Variants in APOB observed in about 807,000 individuals in gnomAD.
APOB encodes the protein apolipoprotein B, also known as apolipoprotein B-100.
APOB carries 153 observed loss-of-function variants against 314.1 expected under a neutral mutation model. That is an observed-to-expected ratio of 0.49 (90% CI 0.43 to 0.56). APOB has a LOEUF of 0.56. APOB is among the 20% of genes least tolerant of loss of function. The pLI, the probability that APOB is intolerant of heterozygous loss-of-function variation, is 0.00. For synonymous variants in APOB, 2,087 were observed against 2,036.4 expected, an observed-to-expected ratio of 1.02 and a Z score of -0.67; for missense variants, 5,430 against 5,350.7, an observed-to-expected ratio of 1.01 and a Z score of -0.46.
In APOB at chr2:21,011,669, T is replaced by A. The variant is rs374402922; in HGVS notation, c.5199A>T (p.Gln1733His). Residue 1733 changes from glutamine (Q) to histidine (H), a missense_variant, in exon 26 of 29, where the codon CAA becomes CAT. Physicochemically the swap from Gln to His is conservative, Grantham distance 24. This residue lies in a region of APOB where 2,085 missense variants were observed against 2,079.7 expected (regional missense o/e 1.00). Coordinates refer to ENST00000233242, the MANE Select transcript of APOB (RefSeq NM_000384.3). The stretch of plus-strand genomic sequence containing the variant: ...TGTCATTTGAGAGCTTAAGTCCTTC[T>A]TGACTGACCTTGAAGTTGAAAATGT... The part of the protein sequence containing the change: ...SKNIFNFKVS[Q>H]EGLKLSNDMM... The A allele has an allele frequency of 3.7e-6, 6 of 1,614,216 alleles. No homozygotes were observed. The African/African-American group carries it at 5.3e-5, about 14-fold the overall frequency.
At chr2:21,003,456 G>T in intron 28 of APOB, 122 bp from the exon 29 acceptor site, 1 of 880,464 alleles carries the variant, frequency 1.1e-6, no homozygotes, top group Non-Finnish European at 1.8e-6. Flanking sequence ...TACTGAAAGG[G>T]ATTTATCTTT....
At chr2:21,015,893 G>A (rs918188265) in intron 21 of APOB, among the ~76,000 whole-genome samples, 3 of 152,158 alleles carry the variant, frequency 2.0e-5, no homozygotes, top group Non-Finnish European at 2.9e-5. Context: ...TGTGAGGACC[G>A]AGATAATTTC....
Position 21,023,689 on chromosome 2 carries a change from CA to C in APOB, c.2439del (p.Ile813MetfsTer50), listed in dbSNP as rs748850160. The C allele has an allele frequency of 6.2e-7, 1 of 1,609,146 alleles. No homozygotes were observed. Among genetic ancestry groups the C allele is most frequent in the Non-Finnish European group, 8.5e-7 (1 of 1,176,244 alleles). ...ARTLQGIPQM[I>X]GEVIRKGSKN... Reference sequence around the variant, plus strand: ...TTTGAGCCCTTCCTGATGACCTCTCCAATCTGTAGACCCAACAAGGGAGAGC... The same window carrying C: ...TTTGAGCCCTTCCTGATGACCTCTCCATCTGTAGACCCAACAAGGGAGAGC... On this transcript the variant is annotated frameshift_variant and splice_region_variant, in exon 17 of 29. Coordinates refer to ENST00000233242, the MANE Select transcript of APOB (RefSeq NM_000384.3). LOFTEE classifies it high-confidence loss of function.
In APOB at chr2:21,040,932, A is replaced by G; in HGVS notation, c.383+6T>C. 6.2e-7 allele frequency: 1 copy of G among 1,613,946 alleles called. No homozygotes were observed. ...CATGCGTGTGCTCATGTACAACATG[A>G]CTTACCTGGACATGGCTGCAGCAAA... On this transcript the variant is annotated splice_donor_region_variant and intron_variant, in intron 4 of 28. Coordinates refer to ENST00000233242, the MANE Select transcript of APOB (RefSeq NM_000384.3).
At chr2:21,022,379 T>C (rs1344554894) in intron 18 of APOB, among the ~76,000 whole-genome samples, 1 of 152,226 alleles carries the variant, frequency 6.6e-6, no homozygotes, top group Non-Finnish European at 1.5e-5. Flanking sequence ...AGAGGCTGTA[T>C]TCCATTATCA....
In APOB at chr2:21,037,812, C is replaced by G. The variant is rs889421181; in HGVS notation, c.537+146G>C. On this transcript the variant is annotated intron_variant, in intron 5 of 28. Coordinates refer to ENST00000233242, the MANE Select transcript of APOB (RefSeq NM_000384.3). ...CCTAAGGGGCAGGAGGAACCTCGGG[C>G]ACCAGTATTTCACGCCAATCCAGGG... 10 of 992,802 alleles carry G rather than the reference C, an allele frequency of 1.0e-5. No individual in the cohort carries two copies. In the Admixed American group the frequency reaches 1.8e-4, roughly 18 times the overall value. 61.5% of individuals were successfully genotyped at this position (992,802 alleles called of 1,614,324 possible).
At chr2:21,021,152 A>G (rs541362198) in intron 18 of APOB, among the ~76,000 whole-genome samples, 1 of 152,248 alleles carries the variant, frequency 6.6e-6, no homozygotes, top group East Asian at 1.9e-4. Flanking sequence ...CACATCCAAA[A>G]CTGAATTTGT....
rs746461811 is a variant in APOB at position 21,019,042 on chromosome 2, C to T, written c.3071G>A (p.Arg1024Lys). ...YSVSATYELQ[R>K]EDRALVDTLK... ...GGTATCCACCAAGGCTCTGTCCTCT[C>T]TCTGGAGCTCATAGGTTGCGCTGAC... Residue 1024 changes from arginine (R) to lysine (K), a missense_variant, in exon 20 of 29, where the codon AGA becomes AAA. Around this residue, in one of 3 missense-constraint regions of APOB, gnomAD observed 2,085 missense variants for 2,079.7 expected, o/e 1.00. Transcript: ENST00000233242. 1 of 1,614,100 alleles carries T rather than the reference C, an allele frequency of 6.2e-7. No individual in the cohort carries two copies. The highest frequency in any genetic ancestry group is 2.2e-5 in the East Asian group (1 of 44,852).
chr2:21,010,847 C>T lies in APOB; in HGVS notation c.6021G>A (p.Val2007=), dbSNP rs148252000. The T allele has an allele frequency of 3.1e-6, 5 of 1,613,992 alleles. No individual in the cohort carries two copies. Among genetic ancestry groups the T allele is most frequent in the Non-Finnish European group, 4.2e-6 (5 of 1,180,016 alleles). Residue 2007 remains valine (V), a synonymous_variant, in exon 26 of 29, where the codon GTG becomes GTA. Transcript: ENST00000233242. ...CAGCCAGAGTTCGTCCAGTAAGCTC[C>T]ACGCCAATTTTATCTTTAGTGTTGT... ...DAYNTKDKIG[V]ELTGRTLADL...
chr2:21,010,606 T>C lies in APOB; in HGVS notation c.6262A>G (p.Ile2088Val). ...QEYFERNRQTIIVVLENVQRN... is the reference protein window; with the variant it reads ...QEYFERNRQTVIVVLENVQRN... ...TGTACGTTTTCCAGTACAACTATAATGGTTTGTCGATTCCTCTCAAAATAT... is the reference window on the plus strand; with the variant it reads ...TGTACGTTTTCCAGTACAACTATAACGGTTTGTCGATTCCTCTCAAAATAT... Residue 2088 changes from isoleucine to valine, a missense_variant, in exon 26 of 29, where the codon ATT becomes GTT. Around this residue, in one of 3 missense-constraint regions of APOB, gnomAD observed 3,281 missense variants for 3,171.0 expected, o/e 1.03. Transcript: ENST00000233242. 1.2e-6 allele frequency: 2 copies of C among 1,614,098 alleles called. No homozygotes were observed. Among genetic ancestry groups the C allele is most frequent in the Non-Finnish European group, 1.7e-6 (2 of 1,179,988 alleles).
chr2:21,027,832 A>G lies in APOB; in HGVS notation c.2063T>C (p.Ile688Thr), dbSNP rs1284948840. The change falls in exon 14 of 29, where the codon ATC becomes ACC. Residue 688 changes from isoleucine (I) to threonine (T), a missense_variant. Transcript: ENST00000233242. ...CCTCAAACTCTTCACACTTACCTCG[A>G]TGAGGTCAGCTGAAGCAAATCCAAA... ...TAFGFASADLIEIGLEGKGFE... is the reference protein window; with the variant it reads ...TAFGFASADLTEIGLEGKGFE... 3.1e-6 allele frequency: 5 copies of G among 1,608,944 alleles called. No homozygotes were observed. The highest frequency in any genetic ancestry group is 4.3e-6 in the Non-Finnish European group (5 of 1,175,400).
rs763361051 is a variant in APOB, at chr2:21,010,146, C to G, written c.6722G>C (p.Ser2241Thr). The change falls in exon 26 of 29, where the codon AGT (serine) becomes ACT (threonine). Residue 2241 changes from serine (S) to threonine (T), a missense_variant. Physicochemically the swap from Ser to Thr is moderately conservative, Grantham distance 58. Around this residue, in one of 3 missense-constraint regions of APOB, gnomAD observed 3,281 missense variants for 3,171.0 expected, o/e 1.03. Coordinates refer to ENST00000233242, the MANE Select transcript of APOB (RefSeq NM_000384.3). ...AATCCAGGATGCAGTACTACTTCCA[C>G]TTTTGTTAAAATCAATATTTTCAAT... ...LFIENIDFNK[S>T]GSSTASWIQN... is the part of the protein sequence containing the mutation. The G allele has an allele frequency of 1.2e-6, 2 of 1,605,548 alleles. No individual in the cohort carries two copies. The highest frequency in any genetic ancestry group is 2.7e-5 in the African/African-American group (2 of 74,800).
At position 21,014,430 on chromosome 2, in the gene APOB, G is replaced by T. The variant is rs779423478; in HGVS notation, c.3842+18C>A. The stretch of plus-strand genomic sequence containing the variant: ...TACTTTGCATGGTTCAAGAAGCCTT[G>T]CTGCTTTCTTCTTTTACCTTTTTAA... On this transcript the variant is annotated intron_variant, in intron 24 of 28. Coordinates refer to ENST00000233242, the MANE Select transcript of APOB (RefSeq NM_000384.3). 3.1e-6 allele frequency: 5 copies of T among 1,613,778 alleles called. No homozygotes were observed. Among genetic ancestry groups the T allele is most frequent in the Middle Eastern group, 1.6e-4 (1 of 6,084 alleles).
Position 21,008,842 on chromosome 2 carries a change from T to C in APOB, c.8026A>G (p.Ile2676Val), listed in dbSNP as rs1315115653. The C allele has an allele frequency of 2.5e-6, 4 of 1,613,972 alleles. No homozygotes were observed. The South Asian group carries it at 3.3e-5, about 13-fold the overall frequency. Reference sequence around the variant, plus strand: ...AGCTCACTGTTCAGCATCTGGTCAATGGTTCTGATGATCTTTACTTTCATT... The same window carrying C: ...AGCTCACTGTTCAGCATCTGGTCAACGGTTCTGATGATCTTTACTTTCATT... ...VEMKVKIIRT[I>V]DQMLNSELQW... Residue 2676 changes from isoleucine to valine, a missense_variant, in exon 26 of 29, where the codon ATT (isoleucine) becomes GTT (valine). This residue lies in a region of APOB where 3,281 missense variants were observed against 3,171.0 expected (regional missense o/e 1.03). Transcript: ENST00000233242.
chr2:21,036,983 A>T, intron 6 of APOB, 117 bp downstream of exon 6: 10 of 1,324,322 alleles, frequency 7.6e-6, no homozygotes, highest in Non-Finnish European at 1.1e-5. Flanking sequence ...TCTAGTCTGT[A>T]TAAAAAACAG....
intron 3 of APOB, among the ~76,000 whole-genome samples, chr2:21,041,754 G>C (rs1344857882): frequency 6.6e-6 from 1 of 152,028 alleles, no homozygotes; most frequent in African/African-American, 2.4e-5. Flanking sequence ...TACCATATTG[G>C]ACAGCACATA....
rs796823243 is a variant in APOB at position 21,026,372 on chromosome 2, C to A, written c.2244+416G>T. ...AAGCAATTCTCCTGTCTCAGCCTCC[C>A]GAGTAGCTAGGATTACAGGCACCCA... On this transcript the variant is annotated intron_variant, in intron 15 of 28. Coordinates refer to ENST00000233242, the MANE Select transcript of APOB (RefSeq NM_000384.3). 2.6e-5 allele frequency among the ~76,000 whole-genome samples: 4 copies of A among 151,992 alleles called. No individual in the cohort carries two copies. In the East Asian group the frequency reaches 5.8e-4, roughly 22 times the overall value.
intron 12 of APOB, 34 bp downstream of exon 12, chr2:21,029,605 C>T (rs768698341): frequency 1.2e-5 from 20 of 1,612,804 alleles, no homozygotes; most frequent in Non-Finnish European, 1.7e-5. Flanking sequence ...TGTTAATAAA[C>T]TTTCACTTTC....
In APOB at chr2:21,011,945, G is replaced by A; in HGVS notation, c.4923C>T (p.His1641=). Reference sequence around the variant, plus strand: ...CTTGGCCAATCCTTAGTGTCGCCTTGTGAGCACCACTATTAATTTTGTCAG... The same window carrying A: ...CTTGGCCAATCCTTAGTGTCGCCTTATGAGCACCACTATTAATTTTGTCAG... ...LGTDKINSGA[H]KATLRIGQDG... Residue 1641 remains histidine (H), a synonymous_variant, in exon 26 of 29, where the codon CAC becomes CAT. Transcript: ENST00000233242. The A allele has an allele frequency of 5.6e-6, 9 of 1,614,010 alleles. No individual in the cohort carries two copies. Among genetic ancestry groups the A allele is most frequent in the Non-Finnish European group, 5.9e-6 (7 of 1,180,036 alleles).
Sources: gnomAD v4.1 joint callset for allele counts (sites outside exome capture counted in the v4.1 genomes callset) on GRCh38, gnomAD v4.1.1 for gene constraint, gnomAD v4.1.1 regional missense constraint, MANE v1.5 for transcripts, NCBI Gene and HGNC (gene_info 2026-07-23, HGNC 2026-07-21) for gene names.